Variants in COL9A1 observed in about 807,000 individuals in gnomAD.
The protein encoded by COL9A1 is collagen alpha-1(IX) chain.
COL9A1 carries 104 observed loss-of-function variants against 142.6 expected under a neutral mutation model. The ratio of observed to expected loss-of-function variants is 0.73; its 90% CI spans 0.62 to 0.86. The LOEUF (loss-of-function observed/expected upper bound fraction) is 0.86. Among genes scored for constraint, COL9A1 ranks in the 40% least tolerant of loss-of-function variants. The pLI, the probability that COL9A1 is intolerant of heterozygous loss-of-function variation, is 0.00. For synonymous variants in COL9A1, 466 were observed against 396.0 expected, an observed-to-expected ratio of 1.18 and a Z score of -2.10; for missense variants, 1,210 against 1,176.6, an observed-to-expected ratio of 1.03 and a Z score of -0.42.
chr6:70,222,511 G>A (rs1429425415), intron 37 of COL9A1, among the ~76,000 whole-genome samples: 1 of 152,102 alleles, frequency 6.6e-6, no homozygotes, highest in Admixed American at 6.5e-5. Context: ...CAATGTAAAG[G>A]TTATAATAAT....
At chr6:70,281,272 G>A in intron 8 of COL9A1, 118 bp downstream of exon 8, 2 of 984,032 alleles carry the variant, frequency 2.0e-6, no homozygotes, top group South Asian at 3.1e-5. Context: ...AAGTGGGGTG[G>A]CAGGAAGGGG....
At chr6:70,227,115 A>G (rs918352398) in intron 36 of COL9A1, among the ~76,000 whole-genome samples, 7 of 152,114 alleles carry the variant, frequency 4.6e-5, no homozygotes, top group African/African-American at 1.7e-4. Flanking sequence ...GTGGGTAGTC[A>G]ACTGGAAAAG....
intron 36 of COL9A1, 100 bp from the exon 37 acceptor site, chr6:70,226,109 G>C (rs1583206628): frequency 3.8e-6 from 4 of 1,055,816 alleles, no homozygotes; most frequent in African/African-American, 3.2e-5. Flanking sequence ...AAACCAAAAG[G>C]TCATGAAATT....
intron 4 of COL9A1, among the ~76,000 whole-genome samples, chr6:70,297,805 TG>T (rs1773899652): frequency 6.6e-6 from 1 of 152,028 alleles, no homozygotes; most frequent in Non-Finnish European, 1.5e-5. Flanking sequence ...CGTTTGTTAG[TG>T]GGAGTTGAGA....
At position 70,280,123 on chromosome 6, in the gene COL9A1, A is replaced by AT. The variant is rs3840413; in HGVS notation, c.975+688dup. 12 of 559,024 alleles carry AT rather than the reference A, an allele frequency of 2.1e-5. No individual in the cohort carries two copies. In the East Asian group the frequency reaches 3.4e-4, roughly 16 times the overall value. 34.6% of individuals were successfully genotyped at this position (559,024 alleles called of 1,614,324 possible). On this transcript the variant is annotated intron_variant, in intron 10 of 37. Coordinates refer to ENST00000357250, the MANE Select transcript of COL9A1 (RefSeq NM_001851.6). ...TATTATTTAGTGTTAGGTTTACCAT[A>AT]TAAGTCAGCATTTGATGGAGATGTG...
At chr6:70,244,073 G>A (rs1243303608) in intron 28 of COL9A1, among the ~76,000 whole-genome samples, 1 of 152,080 alleles carries the variant, frequency 6.6e-6, no homozygotes, top group African/African-American at 2.4e-5. Context: ...TAAACCTTCT[G>A]AATTTTGAAT....
At chr6:70,234,105 A>G (rs1476257380) in intron 35 of COL9A1, among the ~76,000 whole-genome samples, 3 of 152,182 alleles carry the variant, frequency 2.0e-5, no homozygotes, top group African/African-American at 7.2e-5. Flanking sequence ...TATGCTTCCT[A>G]TGGGCATGGA....
At chr6:70,232,381 T>G (rs1039428968) in intron 36 of COL9A1, among the ~76,000 whole-genome samples, 1 of 152,214 alleles carries the variant, frequency 6.6e-6, no homozygotes, top group Non-Finnish European at 1.5e-5. Flanking sequence ...TAGTATTTGG[T>G]CTACTGTTGT....
At chr6:70,238,512 T>G (rs1254154165) in intron 33 of COL9A1, among the ~76,000 whole-genome samples, 4 of 152,216 alleles carry the variant, frequency 2.6e-5, no homozygotes, top group African/African-American at 9.6e-5. Context: ...TATTCCTCTA[T>G]CTTACTTCCC....
chr6:70,266,842 C>G, intron 17 of COL9A1, 72 bp from the exon 18 acceptor site: 2 of 1,244,020 alleles, frequency 1.6e-6, no homozygotes, highest in South Asian at 2.4e-5. Flanking sequence ...TAAAGTGATC[C>G]TGCTTCCCTA....
At chr6:70,295,191 T>C (rs1773804565) in intron 4 of COL9A1, among the ~76,000 whole-genome samples, 1 of 151,846 alleles carries the variant, frequency 6.6e-6, no homozygotes, top group Admixed American at 6.6e-5. Context: ...GAGTTCAAAT[T>C]ATGATGTTAA....
At chr6:70,263,077 T>C (rs1771793035) in intron 19 of COL9A1, among the ~76,000 whole-genome samples, 167 bp downstream of exon 19, 1 of 152,146 alleles carries the variant, frequency 6.6e-6, no homozygotes, top group South Asian at 2.1e-4. Context: ...GACCCTCTCC[T>C]ATTTTGAAGA....
intron 20 of COL9A1, among the ~76,000 whole-genome samples, chr6:70,257,746 C>T (rs1419428168): frequency 1.3e-5 from 2 of 152,068 alleles, no homozygotes; most frequent in African/African-American, 4.8e-5. Context: ...GACCCTGTCT[C>T]AAAAACACAC....
chr6:70,271,707 C>A lies in COL9A1; in HGVS notation c.1091G>T (p.Gly364Val), dbSNP rs201675222. 1.2e-6 allele frequency: 2 copies of A among 1,613,650 alleles called. No individual in the cohort carries two copies. The highest frequency in any genetic ancestry group is 2.7e-5 in the African/African-American group (2 of 74,980). Residue 364 changes from glycine (G) to valine (V), a missense_variant and splice_region_variant, in exon 14 of 38, where the codon GGT becomes GTT. Physicochemically the swap from Gly to Val is moderately radical, Grantham distance 109. Transcript: ENST00000357250. The part of the protein sequence containing the change: ...FPGRGIPGPP[G>V]PPGTAGLPGE... ...AGGGAGTCCTGCTGTCCCAGGAGGA[C>A]CCTGAAGTCAACAAATCAAAGCAAA...
At chr6:70,302,498 G>A (rs756892431) in intron 1 of COL9A1, among the ~76,000 whole-genome samples, 5 of 151,998 alleles carry the variant, frequency 3.3e-5, no homozygotes, top group Non-Finnish European at 7.4e-5. Flanking sequence ...ATAAGCCACC[G>A]CACCCAGCCT....
chr6:70,219,327 G>A (rs1768726937), intron 37 of COL9A1, among the ~76,000 whole-genome samples: 1 of 152,304 alleles, frequency 6.6e-6, no homozygotes, highest in Non-Finnish European at 1.5e-5. Flanking sequence ...ATTGAGATCA[G>A]GGGTGGGCAA....
At chr6:70,280,763 C>A in intron 10 of COL9A1, 49 bp downstream of exon 10, 1 of 1,568,930 alleles carries the variant, frequency 6.4e-7, no homozygotes, top group Non-Finnish European at 8.7e-7. Flanking sequence ...CTTACTCGTA[C>A]CCACCACACA....
intron 32 of COL9A1, among the ~76,000 whole-genome samples, chr6:70,239,812 C>T (rs1450818067): frequency 6.6e-6 from 1 of 152,116 alleles, no homozygotes; most frequent in Non-Finnish European, 1.5e-5. Flanking sequence ...ATCAGCTTAC[C>T]TCCACTACAA....
At chr6:70,236,108 A>G in intron 33 of COL9A1, among the ~76,000 whole-genome samples, 1 of 93,440 alleles carries the variant, frequency 1.1e-5, no homozygotes. Flanking sequence ...GCGAGACTCC[A>G]TCTCAAAAAA....
Sources: gnomAD v4.1 joint callset for allele counts (sites outside exome capture counted in the v4.1 genomes callset) on GRCh38, gnomAD v4.1.1 for gene constraint, MANE v1.5 for transcripts, NCBI Gene and HGNC (gene_info 2026-07-23, HGNC 2026-07-21) for gene names.